Variants in CACNA2D3 observed in about 807,000 individuals in gnomAD.
CACNA2D3 encodes the protein voltage-dependent calcium channel subunit alpha-2/delta-3.
Under a neutral mutation model 160.6 loss-of-function variants are expected in CACNA2D3, and 60 were observed. The ratio of observed to expected loss-of-function variants is 0.37; its 90% CI spans 0.30 to 0.46. The LOEUF is 0.46. CACNA2D3 is among the 20% of genes least tolerant of loss of function. CACNA2D3 has a pLI of 1.00. For synonymous variants in CACNA2D3, 558 were observed against 492.9 expected (o/e 1.13, Z -1.75); for missense variants, 1,205 against 1,365.0 (o/e 0.88, Z 1.85).
At chr3:55,051,944 A>G (rs560482949) in intron 35 of CACNA2D3, among the ~76,000 whole-genome samples, 12 of 152,248 alleles carry the variant, frequency 7.9e-5, no homozygotes, top group East Asian at 5.8e-4. Context: ...AAGTGAGGCA[A>G]TGCCTCGCCC....
At chr3:54,921,027 C>G (rs1700833063) in intron 27 of CACNA2D3, among the ~76,000 whole-genome samples, 1 of 152,166 alleles carries the variant, frequency 6.6e-6, no homozygotes, top group Admixed American at 6.5e-5. Flanking sequence ...AGCCGGGATG[C>G]AACTCCCACT....
chr3:54,264,310 T>A (rs1266905781), intron 2 of CACNA2D3, among the ~76,000 whole-genome samples: 1 of 152,220 alleles, frequency 6.6e-6, no homozygotes, highest in African/African-American at 2.4e-5. Context: ...AAAGGTTCTC[T>A]TATATTGAAT....
At chr3:54,624,802 T>C (rs1357039770) in intron 9 of CACNA2D3, among the ~76,000 whole-genome samples, 1 of 152,158 alleles carries the variant, frequency 6.6e-6, no homozygotes, top group Non-Finnish European at 1.5e-5. Flanking sequence ...GATGGGTGTT[T>C]CATCATGCTC....
At chr3:54,645,685 G>T (rs934675000) in intron 11 of CACNA2D3, among the ~76,000 whole-genome samples, 1 of 152,142 alleles carries the variant, frequency 6.6e-6, no homozygotes, top group East Asian at 1.9e-4. Context: ...GGTTTGCCCG[G>T]AGCCTTCCCT....
At chr3:55,029,108 G>C (rs552996703) in intron 35 of CACNA2D3, among the ~76,000 whole-genome samples, 7 of 152,160 alleles carry the variant, frequency 4.6e-5, no homozygotes, top group African/African-American at 1.7e-4. Flanking sequence ...ACTGTTCTCA[G>C]TGAGTGCCCT....
At chr3:54,818,003 G>C (rs1703494932) in intron 14 of CACNA2D3, among the ~76,000 whole-genome samples, 1 of 151,656 alleles carries the variant, frequency 6.6e-6, no homozygotes, top group African/African-American at 2.4e-5. Flanking sequence ...TCTTTGATAG[G>C]ACATGCTTTC....
chr3:54,549,974 A>G (rs931655841), intron 5 of CACNA2D3, among the ~76,000 whole-genome samples: 1 of 152,148 alleles, frequency 6.6e-6, no homozygotes, highest in Non-Finnish European at 1.5e-5. Context: ...GAATATCAGG[A>G]ATCGGTTCTT....
chr3:55,005,413 G>A (rs772958521), intron 32 of CACNA2D3, among the ~76,000 whole-genome samples: 20 of 152,128 alleles, frequency 1.3e-4, no homozygotes, highest in Non-Finnish European at 2.2e-4. Flanking sequence ...TGTGACAGAT[G>A]GAAAAAGGGA....
intron 35 of CACNA2D3, among the ~76,000 whole-genome samples, chr3:55,038,262 G>A (rs2107186976): frequency 6.6e-6 from 1 of 152,240 alleles, no homozygotes; most frequent in South Asian, 2.1e-4. Context: ...CTCCTCCTTA[G>A]ATTATTAAGG....
chr3:54,797,938 A>C (rs1702899946), intron 13 of CACNA2D3, among the ~76,000 whole-genome samples: 1 of 152,206 alleles, frequency 6.6e-6, no homozygotes, highest in Non-Finnish European at 1.5e-5. Context: ...GACTCCAGGG[A>C]GTTGCTTGAG....
chr3:54,174,497 G>C (rs1452092010), intron 2 of CACNA2D3, among the ~76,000 whole-genome samples: 1 of 152,134 alleles, frequency 6.6e-6, no homozygotes, highest in African/African-American at 2.4e-5. Context: ...CCTGGTTTGG[G>C]GGTTATTACA....
intron 27 of CACNA2D3, among the ~76,000 whole-genome samples, chr3:54,948,401 C>A (rs1479339610): frequency 6.6e-6 from 1 of 152,144 alleles, no homozygotes; most frequent in Non-Finnish European, 1.5e-5. Context: ...GCAACTAGGC[C>A]CTTCATGGGC....
chr3:54,334,468 T>C (rs991880505), intron 3 of CACNA2D3, among the ~76,000 whole-genome samples: 3 of 152,170 alleles, frequency 2.0e-5, no homozygotes, highest in African/African-American at 7.2e-5. Context: ...TAGTGAGACC[T>C]GAGGTTAGCC....
At chr3:54,312,383 A>AT (rs1184454399) in intron 2 of CACNA2D3, among the ~76,000 whole-genome samples, 2 of 151,782 alleles carry the variant, frequency 1.3e-5, no homozygotes, top group African/African-American at 2.4e-5. Flanking sequence ...TGCAGAGGGT[A>AT]TTTTTTTTCC....
intron 4 of CACNA2D3, among the ~76,000 whole-genome samples, chr3:54,424,281 G>C (rs1398796393): frequency 6.6e-6 from 1 of 152,200 alleles, no homozygotes; most frequent in Non-Finnish European, 1.5e-5. Context: ...AGGAGCCCCT[G>C]GGGTGCAGGT....
chr3:55,030,803 T>C (rs1024014547), intron 35 of CACNA2D3, among the ~76,000 whole-genome samples: 1 of 152,166 alleles, frequency 6.6e-6, no homozygotes, highest in Admixed American at 6.5e-5. Flanking sequence ...TGGATGTTGT[T>C]GTGTAGGTGT....
At chr3:54,767,567 C>T (rs1409128247) in intron 13 of CACNA2D3, among the ~76,000 whole-genome samples, 1 of 152,076 alleles carries the variant, frequency 6.6e-6, no homozygotes, top group Non-Finnish European at 1.5e-5. Flanking sequence ...TAGCAATGAG[C>T]CCATCCAGTA....
chr3:54,929,564 A>G (rs886780016), intron 27 of CACNA2D3, among the ~76,000 whole-genome samples: 3 of 152,188 alleles, frequency 2.0e-5, no homozygotes, highest in African/African-American at 7.2e-5. Context: ...CACATAACCC[A>G]GTATATTCAT....
chr3:54,571,073 C>T (rs375383914), intron 8 of CACNA2D3, among the ~76,000 whole-genome samples: 70 of 152,034 alleles, frequency 4.6e-4, no homozygotes, highest in Middle Eastern at 6.8e-3. Flanking sequence ...TGGTTTGGTC[C>T]GGAAAGGCAG....
Sources: allele counts gnomAD v4.1 joint callset (sites outside exome capture counted in the v4.1 genomes callset), GRCh38; gene constraint gnomAD v4.1.1; transcripts MANE v1.5; gene names NCBI Gene and HGNC (gene_info 2026-07-23, HGNC 2026-07-21).